Variants in TUBGCP4 observed in about 807,000 individuals in gnomAD.
TUBGCP4 encodes the protein gamma-tubulin complex component 4.
In TUBGCP4, 54 loss-of-function variants were observed where a neutral mutation model predicts 91.6. That is an observed-to-expected ratio of 0.59 (90% CI 0.47 to 0.74). TUBGCP4 has a LOEUF of 0.74. Among genes scored for constraint, TUBGCP4 ranks in the 30% least tolerant of loss-of-function variants. The pLI, the probability that TUBGCP4 is intolerant of heterozygous loss-of-function variation, is 0.00. For synonymous variants in TUBGCP4, 297 were observed against 302.8 expected (o/e 0.98, Z 0.20); for missense variants, 593 against 800.9 (o/e 0.74, Z 3.13).
At chr15:43,385,541 C>A in intron 7 of TUBGCP4, 1 of 525,682 alleles carries the variant, frequency 1.9e-6, no homozygotes, top group South Asian at 1.9e-5. Context: ...CAAGTTTTTA[C>A]TCAGTAGTAA....
chr15:43,377,895 A>T lies in TUBGCP4; in HGVS notation c.433A>T (p.Ser145Cys). Residue 145 changes from serine (S) to cysteine (C), a missense_variant, in exon 5 of 18, where the codon AGT (serine) becomes TGT (cysteine). Ser to Cys is a moderately radical substitution (Grantham distance 112). Transcript: ENST00000564079. ...GATGGTTGTAGTAGAACAAATTAAAAGTCAAAAGGTGAGAACTTTCCTTAT... is the reference window on the plus strand; with the variant it reads ...GATGGTTGTAGTAGAACAAATTAAATGTCAAAAGGTGAGAACTTTCCTTAT... ...SVMVVVEQIKSQKIHGCQILE... is the reference protein window; with the variant it reads ...SVMVVVEQIKCQKIHGCQILE... 1 of 1,604,356 alleles carries T rather than the reference A, an allele frequency of 6.2e-7. No homozygotes were observed.
At chr15:43,374,606 T>G (rs966293240) in intron 1 of TUBGCP4, among the ~76,000 whole-genome samples, 1 of 151,870 alleles carries the variant, frequency 6.6e-6, no homozygotes, top group Admixed American at 6.6e-5. Flanking sequence ...AGTGAAACCT[T>G]GTCTCTAAAA....
At chr15:43,389,233 G>A (rs1014952020) in intron 9 of TUBGCP4, among the ~76,000 whole-genome samples, 3 of 152,152 alleles carry the variant, frequency 2.0e-5, no homozygotes, top group African/African-American at 4.8e-5. Context: ...TATGTCTTTA[G>A]TTTTTACTGC....
Position 43,408,261 on chromosome 15 carries a change from T to C in TUBGCP4, c.*3047T>C. ...GGGAGGCTGTCGTGGTTGGATCTCT[T>C]GGGCCTGGGAGTTCGAGACCAGCCT... On this transcript the variant is annotated 3_prime_UTR_variant, in exon 18 of 18. Coordinates refer to ENST00000564079, the MANE Select transcript of TUBGCP4 (RefSeq NM_014444.5). The C allele has an allele frequency of 1.5e-6, 1 of 653,828 alleles. No individual in the cohort carries two copies. Among genetic ancestry groups the C allele is most frequent in the East Asian group, 3.0e-5 (1 of 33,628 alleles). The allele number at this position is 653,828 out of a possible 1,614,324, so 40.5% of individuals were successfully genotyped here.
In TUBGCP4 at chr15:43,408,265, C is replaced by T; in HGVS notation, c.*3051C>T. ...GGCTGTCGTGGTTGGATCTCTTGGGCCTGGGAGTTCGAGACCAGCCTGGGC... is the reference window on the plus strand; with the variant it reads ...GGCTGTCGTGGTTGGATCTCTTGGGTCTGGGAGTTCGAGACCAGCCTGGGC... On this transcript the variant is annotated 3_prime_UTR_variant, in exon 18 of 18. Transcript: ENST00000564079. 1 of 626,614 alleles carries T rather than the reference C, an allele frequency of 1.6e-6. No homozygotes were observed. Among genetic ancestry groups the T allele is most frequent in the South Asian group, 2.1e-5 (1 of 48,684 alleles). 38.8% of individuals were successfully genotyped at this position (626,614 alleles called of 1,614,324 possible).
In TUBGCP4 at chr15:43,407,665, T is replaced by C. The variant is rs1468512546; in HGVS notation, c.*2451T>C. ...TGATTCTAACCAATACATCCCACTC[T>C]GCACAAACCAAAGCCCTATTATGTC... On this transcript the variant is annotated 3_prime_UTR_variant, in exon 18 of 18. Coordinates refer to ENST00000564079, the MANE Select transcript of TUBGCP4 (RefSeq NM_014444.5). The C allele has an allele frequency of 4.1e-6, 5 of 1,220,008 alleles. No homozygotes were observed. Among genetic ancestry groups the C allele is most frequent in the Admixed American group, 2.6e-5 (1 of 38,820 alleles). 75.6% of individuals were successfully genotyped at this position (1,220,008 alleles called of 1,614,324 possible). A position where few individuals can be genotyped will look rare whatever the true frequency, so the allele number is the denominator to read the frequency against.
At chr15:43,378,153 A>G (rs1201044432) in intron 5 of TUBGCP4, among the ~76,000 whole-genome samples, 1 of 152,194 alleles carries the variant, frequency 6.6e-6, no homozygotes, top group Non-Finnish European at 1.5e-5. Context: ...TGTTGGGGTA[A>G]GAAAAAAAGT....
In TUBGCP4 at chr15:43,403,751, A is replaced by C. The variant is rs758797373; in HGVS notation, c.1800A>C (p.Leu600=). 39 of 1,613,876 alleles carry C rather than the reference A, an allele frequency of 2.4e-5. No homozygotes were observed. The highest frequency in any genetic ancestry group is 3.1e-5 in the Non-Finnish European group (37 of 1,180,002). ...HSFCSLVSQN[L]GPLDERGAAQ... ...TTTGTTCGCTGGTCAGTCAGAACCT[A>C]GGCCCACTGGATGAGCGTGGAGCCG... is the stretch of plus-strand genomic sequence containing the variant. The change falls in exon 16 of 18, where the codon CTA becomes CTC. Residue 600 remains leucine, a synonymous_variant. Coordinates refer to ENST00000564079, the MANE Select transcript of TUBGCP4 (RefSeq NM_014444.5).
chr15:43,389,332 C>T (rs1440643037), intron 9 of TUBGCP4, among the ~76,000 whole-genome samples: 1 of 152,098 alleles, frequency 6.6e-6, no homozygotes, highest in Non-Finnish European at 1.5e-5. Context: ...TAGTCTGATT[C>T]TATCAGTTGT....
intron 6 of TUBGCP4, among the ~76,000 whole-genome samples, chr15:43,382,358 C>T (rs1023708485): frequency 1.3e-5 from 2 of 152,166 alleles, no homozygotes; most frequent in Non-Finnish European, 2.9e-5. Context: ...AGAATTCCTT[C>T]ATAGCTGTTC....
intron 4 of TUBGCP4, chr15:43,377,625 A>AAG (rs1043076222): frequency 1.5e-5 from 7 of 478,002 alleles, no homozygotes; most frequent in African/African-American, 8.5e-5. Context: ...AAAAAAAAAA[A>AAG]AAAGAAAAAA....
At position 43,405,275 on chromosome 15, in the gene TUBGCP4, A is replaced by G; in HGVS notation, c.*61A>G. On this transcript the variant is annotated 3_prime_UTR_variant, in exon 18 of 18. Coordinates refer to ENST00000564079, the MANE Select transcript of TUBGCP4 (RefSeq NM_014444.5). ...TTCCCAAGGTTGTAACAGAAGATTC[A>G]AAACATCCCATTCTAGCCACACACA... 1 of 1,574,672 alleles carries G rather than the reference A, an allele frequency of 6.4e-7. No homozygotes were observed. Among genetic ancestry groups the G allele is most frequent in the Non-Finnish European group, 8.7e-7 (1 of 1,144,412 alleles).
chr15:43,374,151 A>G (rs1281168464), intron 1 of TUBGCP4, among the ~76,000 whole-genome samples: 2 of 152,228 alleles, frequency 1.3e-5, no homozygotes, highest in Non-Finnish European at 2.9e-5. Flanking sequence ...TATAATCCAT[A>G]TTATATATCC....
intron 4 of TUBGCP4, chr15:43,377,492 G>C (rs115622715): frequency 2.0e-5 from 6 of 301,354 alleles, no homozygotes; most frequent in African/African-American, 1.3e-4. Context: ...TTGTGGTGGC[G>C]TGCACCTGTA....
At position 43,371,117 on chromosome 15, in the gene TUBGCP4, G is replaced by T. The variant is rs1461662824; in HGVS notation, c.-238G>T. The T allele has an allele frequency of 6.8e-6, 4 of 589,120 alleles. No individual in the cohort carries two copies. The Admixed American group carries it at 1.2e-4, about 17-fold the overall frequency. The allele number at this position is 589,120 out of a possible 1,614,324, so 36.5% of individuals were successfully genotyped here. A position where few individuals can be genotyped will look rare whatever the true frequency, so the allele number is the denominator to read the frequency against. ...CCGCGACTCAGTCTCCGCAGAGCCC[G>T]GGCGGGAGTAGCTGGTGGACCCCGT... On this transcript the variant is annotated 5_prime_UTR_variant, in exon 1 of 18. Transcript: ENST00000564079.
intron 7 of TUBGCP4, among the ~76,000 whole-genome samples, chr15:43,383,878 G>A (rs542402427): frequency 5.3e-4 from 80 of 151,956 alleles, no homozygotes; most frequent in African/African-American, 1.7e-3. Context: ...TTGGCTCACT[G>A]CAGCCACTGC....
Position 43,371,219 on chromosome 15 carries a change from G to C in TUBGCP4, c.-136G>C, listed in dbSNP as rs1294967270. On this transcript the variant is annotated 5_prime_UTR_variant, in exon 1 of 18. Coordinates refer to ENST00000564079, the MANE Select transcript of TUBGCP4 (RefSeq NM_014444.5). ...CCGCTCCGCCGCAGCGATTGTCTCG[G>C]TGGGTTGATTCGGCACAAACCGCCC... 1 of 845,324 alleles carries C rather than the reference G, an allele frequency of 1.2e-6. No homozygotes were observed. Among genetic ancestry groups the C allele is most frequent in the East Asian group, 2.7e-5 (1 of 37,732 alleles). 52.4% of individuals were successfully genotyped at this position (845,324 alleles called of 1,614,324 possible). A position where few individuals can be genotyped will look rare whatever the true frequency, so the allele number is the denominator to read the frequency against.
At position 43,408,120 on chromosome 15, in the gene TUBGCP4, G is replaced by A. The variant is rs543494586; in HGVS notation, c.*2906G>A. The A allele has an allele frequency of 6.2e-5, 99 of 1,605,294 alleles. 1 individual carries two copies. The South Asian group carries it at 1.0e-3, about 17-fold the overall frequency. On this transcript the variant is annotated 3_prime_UTR_variant, in exon 18 of 18. Coordinates refer to ENST00000564079, the MANE Select transcript of TUBGCP4 (RefSeq NM_014444.5). The stretch of plus-strand genomic sequence containing the variant: ...AGGAGACAGGAAAGGACCTTAGCAT[G>A]ACAAGTAATATCCAACAAACTGCCT...
intron 9 of TUBGCP4, among the ~76,000 whole-genome samples, chr15:43,390,154 A>G (rs1375853041): frequency 6.6e-6 from 1 of 152,126 alleles, no homozygotes; most frequent in East Asian, 1.9e-4. Flanking sequence ...GTTTTGGAAT[A>G]AAGATTCTAC....
Sources: gnomAD v4.1 joint callset for allele counts (sites outside exome capture counted in the v4.1 genomes callset) on GRCh38, gnomAD v4.1.1 for gene constraint, MANE v1.5 for transcripts, NCBI Gene and HGNC (gene_info 2026-07-23, HGNC 2026-07-21) for gene names.